The following KALRN variants were observed in gnomAD, a reference collection of about 807,000 sequenced individuals.
KALRN encodes kalirin.
KALRN carries 70 observed loss-of-function variants against 353.7 expected under a neutral mutation model. The ratio of observed to expected loss-of-function variants is 0.20; its 90% confidence interval spans 0.16 to 0.24. The LOEUF (loss-of-function observed/expected upper bound fraction) is 0.24, where lower values mean the gene tolerates loss of function less well. Among genes scored for constraint, KALRN ranks in the 10% least tolerant of loss-of-function variants. The pLI, the probability that KALRN is intolerant of heterozygous loss-of-function variation, is 1.00. For missense variants in KALRN, 2,791 were observed against 3,756.7 expected, an observed-to-expected ratio of 0.74 and a Z score of 6.72; for synonymous variants, 1,391 against 1,434.8, an observed-to-expected ratio of 0.97 and a Z score of 0.69.
chr3:124,445,834 C>CT (rs1560967773), intron 19 of KALRN, among the ~76,000 whole-genome samples: 6 of 152,180 alleles, frequency 3.9e-5, no homozygotes, highest in Non-Finnish European at 8.8e-5. Flanking sequence ...GAATTAGTTG[C>CT]TTCTTAAGAT....
At chr3:124,578,420 C>T (rs1416514537) in intron 34 of KALRN, among the ~76,000 whole-genome samples, 1 of 152,190 alleles carries the variant, frequency 6.6e-6, no homozygotes, top group Non-Finnish European at 1.5e-5. Context: ...AACCAGGGAG[C>T]ATGGCAGGCA....
intron 33 of KALRN, among the ~76,000 whole-genome samples, chr3:124,513,791 C>G (rs777049832): frequency 2.5e-4 from 38 of 152,086 alleles, no homozygotes; most frequent in Non-Finnish European, 3.7e-4. Flanking sequence ...TGGGTGTGGC[C>G]AGCCTGTCAC....
At chr3:124,693,896 C>A in intron 52 of KALRN, 65 bp downstream of exon 52, 1 of 1,100,066 alleles carries the variant, frequency 9.1e-7, no homozygotes, top group Non-Finnish European at 1.3e-6. Context: ...GTTAATCCAG[C>A]ACTAAAGCAC....
chr3:124,040,099 C>G (rs2039819323), intron 1 of KALRN, among the ~76,000 whole-genome samples: 1 of 152,178 alleles, frequency 6.6e-6, no homozygotes, highest in African/African-American at 2.4e-5. Context: ...TCACCAATAA[C>G]TTTATTACTG....
rs1203479123 is a variant in KALRN, at chr3:124,033,566, G to C, written c.-175G>C. 6.6e-6 allele frequency among the ~76,000 whole-genome samples: 1 copy of C among 151,178 alleles called. No homozygotes were observed. Among genetic ancestry groups the C allele is most frequent in the Admixed American group, 6.6e-5 (1 of 15,210 alleles). On this transcript the variant is annotated 5_prime_UTR_variant, in exon 1 of 60. Coordinates refer to ENST00000682506, the MANE Select transcript of KALRN (RefSeq NM_001388419.1). This position sits in a 1 kb window ranked among gnomAD's most constrained non-coding sequence, Gnocchi z 6.2. ...CGCCGCGCGCCTCCGCCTGAGGGAG[G>C]CTCAGCGTCCTCTGCCCCAGCCCCG...
intron 2 of KALRN, among the ~76,000 whole-genome samples, chr3:124,231,601 G>A (rs2079157990): frequency 6.6e-6 from 1 of 152,186 alleles, no homozygotes; most frequent in Admixed American, 6.5e-5. Flanking sequence ...TACTCTCAAA[G>A]AAGTTTGGGA....
At chr3:124,234,403 G>T (rs973362745) in intron 2 of KALRN, among the ~76,000 whole-genome samples, 6 of 152,182 alleles carry the variant, frequency 3.9e-5, no homozygotes, top group African/African-American at 1.4e-4. Context: ...CCTCACAGAG[G>T]TCTATAAAGA....
chr3:124,444,699 T>G (rs2093774017), intron 19 of KALRN, among the ~76,000 whole-genome samples: 1 of 149,180 alleles, frequency 6.7e-6, no homozygotes, highest in Admixed American at 6.7e-5. Context: ...TCTCAGCTAC[T>G]CAGGTGGCTG....
chr3:124,081,054 T>C (rs1442008900), intron 1 of KALRN, among the ~76,000 whole-genome samples: 1 of 152,158 alleles, frequency 6.6e-6, no homozygotes, highest in East Asian at 1.9e-4. Context: ...TATACGCTCA[T>C]CCCATTCATT....
intron 1 of KALRN, among the ~76,000 whole-genome samples, chr3:124,119,186 G>T (rs1056792972): frequency 2.0e-5 from 3 of 152,176 alleles, no homozygotes; most frequent in Non-Finnish European, 4.4e-5. Flanking sequence ...GACTGACAGG[G>T]CCCTGGGGGA....
At chr3:124,307,933 A>G (rs577735534) in intron 6 of KALRN, among the ~76,000 whole-genome samples, 23 of 152,124 alleles carry the variant, frequency 1.5e-4, no homozygotes, top group Non-Finnish European at 2.5e-4. Flanking sequence ...TTTTGGATTC[A>G]AAGATATAAA....
intron 32 of KALRN, among the ~76,000 whole-genome samples, chr3:124,495,196 C>T (rs1052739305): frequency 5.5e-4 from 83 of 152,274 alleles, no homozygotes; most frequent in African/African-American, 1.9e-3. Context: ...GCACAGCTGG[C>T]TCCAAAGCTG....
intron 37 of KALRN, among the ~76,000 whole-genome samples, chr3:124,638,103 T>C (rs1290111300): frequency 6.6e-6 from 1 of 152,234 alleles, no homozygotes; most frequent in African/African-American, 2.4e-5. Flanking sequence ...ATTTAGCTTT[T>C]CCTGCAATTC....
chr3:124,356,939 A>G (rs530234874), intron 10 of KALRN, among the ~76,000 whole-genome samples: 2 of 152,262 alleles, frequency 1.3e-5, no homozygotes, highest in East Asian at 3.9e-4. Flanking sequence ...TTCGATATTT[A>G]TAAACCCATT....
intron 34 of KALRN, among the ~76,000 whole-genome samples, chr3:124,566,957 CTA>C (rs1298102268): frequency 1.3e-5 from 2 of 152,080 alleles, no homozygotes; most frequent in Non-Finnish European, 2.9e-5. Context: ...GAAGCAGGGA[CTA>C]TGTGTGAGGG....
chr3:124,244,141 T>G (rs987320111), intron 3 of KALRN, among the ~76,000 whole-genome samples: 1 of 152,336 alleles, frequency 6.6e-6, no homozygotes, highest in Non-Finnish European at 1.5e-5. Flanking sequence ...AGAAAGTAAG[T>G]GCAGAAAAAA....
intron 34 of KALRN, among the ~76,000 whole-genome samples, chr3:124,566,939 GGC>G (rs1174514860): frequency 6.6e-6 from 1 of 152,172 alleles, no homozygotes; most frequent in Non-Finnish European, 1.5e-5. Context: ...CACTCTTGCA[GGC>G]TGTGTGAAGC....
chr3:124,193,629 C>T (rs1458839836), intron 1 of KALRN, among the ~76,000 whole-genome samples: 1 of 151,934 alleles, frequency 6.6e-6, no homozygotes, highest in Admixed American at 6.6e-5. Flanking sequence ...TTTCTTTAAA[C>T]TACAACTTAT....
chr3:124,529,174 A>G (rs1218293783), intron 33 of KALRN, among the ~76,000 whole-genome samples: 1 of 152,218 alleles, frequency 6.6e-6, no homozygotes, highest in African/African-American at 2.4e-5. Context: ...CTTCACTGCT[A>G]TATCCCCAGT....
Sources: gnomAD v4.1 joint callset for allele counts (sites outside exome capture counted in the v4.1 genomes callset) on GRCh38, gnomAD v4.1.1 for gene constraint, Gnocchi (gnomAD v3.1) non-coding constraint, MANE v1.5 for transcripts, NCBI Gene and HGNC (gene_info 2026-07-23, HGNC 2026-07-21) for gene names.